Variants in CELF2 observed in about 807,000 individuals in gnomAD.
CELF2 encodes CUGBP Elav-like family member 2.
In CELF2, 8 loss-of-function variants were observed where a neutral mutation model predicts 62.6. The ratio of observed to expected loss-of-function variants is 0.13; its 90% confidence interval spans 0.07 to 0.23. The LOEUF (loss-of-function observed/expected upper bound fraction) is 0.23. Ranked by LOEUF, CELF2 falls within the 10% of genes least tolerant of loss-of-function variation. The pLI, the probability that CELF2 is intolerant of heterozygous loss-of-function variation, is 1.00. For missense variants in CELF2, 333 were observed against 671.0 expected (o/e 0.50, Z 5.56); for synonymous variants, 258 against 250.0 (o/e 1.03, Z -0.30).
the CELF2 span, among the ~76,000 whole-genome samples, chr10:10,668,368 C>T: frequency 6.6e-6 from 1 of 152,150 alleles, no homozygotes; most frequent in Non-Finnish European, 1.5e-5. Flanking sequence ...AGTTGTTCTG[C>T]CAGAATGCCC....
At chr10:10,812,544 A>G (rs937487427) in intron 1 of CELF2, among the ~76,000 whole-genome samples, 8 of 152,256 alleles carry the variant, frequency 5.3e-5, no homozygotes, top group Admixed American at 1.3e-4. Context: ...TTCCCCAAAC[A>G]CCATATTATT....
intron 11 of CELF2, among the ~76,000 whole-genome samples, chr10:11,322,965 G>C (rs542521797): frequency 2.4e-4 from 37 of 152,108 alleles, no homozygotes; most frequent in Non-Finnish European, 5.0e-4. Context: ...TCATCACACA[G>C]AGGCCAGAAG....
At chr10:11,326,054 C>T in intron 12 of CELF2, 75 bp downstream of exon 12, 2 of 1,431,590 alleles carry the variant, frequency 1.4e-6, no homozygotes, top group Non-Finnish European at 1.9e-6. Flanking sequence ...AAATGTGAGA[C>T]AGTTTCAGCC....
At position 11,242,111 on chromosome 10, in the gene CELF2, T is replaced by C. The variant is rs77015598; in HGVS notation, c.355-7042T>C. Reference sequence around the variant, plus strand: ...TTCTTTCCATCCCCTCTCTCTACTTTTAAATATTTTATGGGCAGTAAGCTC... The same window carrying C: ...TTCTTTCCATCCCCTCTCTCTACTTCTAAATATTTTATGGGCAGTAAGCTC... On this transcript the variant is annotated intron_variant, in intron 3 of 12. Coordinates refer to ENST00000633077, the MANE Select transcript of CELF2 (RefSeq NM_001326342.2). This position sits in a 1 kb window ranked among gnomAD's most constrained non-coding sequence, Gnocchi z 4.8. Among the ~76,000 whole-genome samples the C allele has an allele frequency of 4.3e-3, 660 of 152,276 alleles. 2 individuals are homozygous for C. The highest frequency in any genetic ancestry group is 0.015 in the African/African-American group (627 of 41,532).
intron 1 of CELF2, among the ~76,000 whole-genome samples, chr10:11,133,956 A>AT (rs1308227278): frequency 3.2e-4 from 48 of 152,014 alleles, no homozygotes; most frequent in Admixed American, 3.3e-4. Flanking sequence ...ATTTGGTTGT[A>AT]TTTTTTTACA....
At position 11,329,631 on chromosome 10, in the gene CELF2, GATTTT is replaced by G. The variant is rs756014863; in HGVS notation, c.*585_*589del. On this transcript the variant is annotated 3_prime_UTR_variant, in exon 13 of 13. Coordinates refer to ENST00000633077, the MANE Select transcript of CELF2 (RefSeq NM_001326342.2). The surrounding 1 kb of genome is among the most constrained non-coding windows in gnomAD (Gnocchi z 5.5). ...TACATCGGCTTGTTTTACTAAGTAGGATTTTATTTTAGGGTTCAAAGAAACATGAC... is the reference window on the plus strand; with the variant it reads ...TACATCGGCTTGTTTTACTAAGTAGGATTTTAGGGTTCAAAGAAACATGAC... The G allele has an allele frequency of 7.9e-5, 12 of 152,586 alleles. No individual in the cohort carries two copies. Among genetic ancestry groups the G allele is most frequent in the Non-Finnish European group, 1.5e-4 (10 of 68,030 alleles). The allele number at this position is 152,586 out of a possible 1,614,324, so 9.5% of individuals were successfully genotyped here. A position where few individuals can be genotyped will look rare whatever the true frequency, so the allele number is the denominator to read the frequency against.
intron 1 of CELF2, among the ~76,000 whole-genome samples, chr10:11,074,685 C>T (rs1031712289): frequency 6.6e-6 from 1 of 152,036 alleles, no homozygotes; most frequent in Non-Finnish European, 1.5e-5. Context: ...AGGTATGGTG[C>T]AAAAAATACA....
the CELF2 span, among the ~76,000 whole-genome samples, chr10:10,782,847 G>A: frequency 2.6e-5 from 4 of 152,186 alleles, no homozygotes; most frequent in Non-Finnish European, 5.9e-5. Context: ...AGACTGGACT[G>A]CTCATTTATT....
the CELF2 span, among the ~76,000 whole-genome samples, chr10:10,584,965 A>T: frequency 6.6e-6 from 1 of 152,146 alleles, no homozygotes; most frequent in African/African-American, 2.4e-5. Flanking sequence ...AGTAAGTTTG[A>T]TTTGCACAGA....
intron 2 of CELF2, chr10:10,922,614 G>T (rs942246002): frequency 6.6e-6 from 1 of 152,192 alleles, no homozygotes; most frequent in Non-Finnish European, 1.5e-5. Context: ...TTTGTAGCTG[G>T]TTTATTACTC....
chr10:10,649,861 G>A, the CELF2 span, among the ~76,000 whole-genome samples: 3 of 152,136 alleles, frequency 2.0e-5, no homozygotes, highest in Non-Finnish European at 4.4e-5. Flanking sequence ...GGCTACATTC[G>A]GATTCCCCTG....
At position 11,191,855 on chromosome 10, in the gene CELF2, G is replaced by A. The variant is rs922653848; in HGVS notation, c.272-25570G>A. 6.6e-6 allele frequency among the ~76,000 whole-genome samples: 1 copy of A among 152,200 alleles called. No homozygotes were observed. On this transcript the variant is annotated intron_variant, in intron 2 of 12. Transcript: ENST00000633077. This position sits in a 1 kb window ranked among gnomAD's most constrained non-coding sequence, Gnocchi z 4.1. ...GAGGGGCCGTGTGCATGCTCATGCT[G>A]TTTATCCCAAGCCTGTTTTCCACCC... is the stretch of plus-strand genomic sequence containing the variant.
At chr10:10,563,444 T>C in the CELF2 span, among the ~76,000 whole-genome samples, 2 of 151,982 alleles carry the variant, frequency 1.3e-5, no homozygotes, top group African/African-American at 4.8e-5. Context: ...AACCCGTCTC[T>C]ACTAAAACTA....
chr10:10,751,302 A>G, the CELF2 span, among the ~76,000 whole-genome samples: 3 of 152,232 alleles, frequency 2.0e-5, 1 homozygote, highest in African/African-American at 7.2e-5. Flanking sequence ...ACTGCGTTCC[A>G]TGAGGAAGTT....
intron 2 of CELF2, among the ~76,000 whole-genome samples, chr10:10,985,435 A>G (rs1014437091): frequency 2.0e-5 from 3 of 152,228 alleles, no homozygotes; most frequent in East Asian, 3.8e-4. Flanking sequence ...TAAGTTTGAT[A>G]GATCTGCCTT....
the CELF2 span, among the ~76,000 whole-genome samples, chr10:10,741,916 T>G: frequency 3.3e-5 from 5 of 152,366 alleles, no homozygotes; most frequent in Admixed American, 2.0e-4. Context: ...TGTCTAATGG[T>G]GATTTCTCTA....
At chr10:10,486,104 T>C in the CELF2 span, among the ~76,000 whole-genome samples, 3 of 152,196 alleles carry the variant, frequency 2.0e-5, no homozygotes, top group East Asian at 3.9e-4. Flanking sequence ...TCCAGTAGTA[T>C]GTTCTTTATT....
chr10:10,837,080 C>T (rs2058346802), intron 1 of CELF2, among the ~76,000 whole-genome samples: 1 of 152,222 alleles, frequency 6.6e-6, no homozygotes, highest in African/African-American at 2.4e-5. Context: ...CGCACTCCTA[C>T]GTTGTCATTC....
chr10:10,827,448 A>G (rs1186380526), intron 1 of CELF2, among the ~76,000 whole-genome samples: 1 of 152,246 alleles, frequency 6.6e-6, no homozygotes, highest in Non-Finnish European at 1.5e-5. Context: ...CTGAGAAGAG[A>G]CTAGTTTGGA....
Sources: allele counts gnomAD v4.1 joint callset (sites outside exome capture counted in the v4.1 genomes callset), GRCh38; gene constraint gnomAD v4.1.1; non-coding constraint Gnocchi (gnomAD v3.1); transcripts MANE v1.5; gene names NCBI Gene and HGNC (gene_info 2026-07-23, HGNC 2026-07-21).